SEC24B: variants seen among roughly 807,000 people sequenced by gnomAD.
The protein encoded by SEC24B is SEC24 homolog B, COPII component.
Under a neutral mutation model 142.8 loss-of-function variants are expected in SEC24B, and 45 were observed. The ratio of observed to expected loss-of-function variants is 0.32; its 90% CI spans 0.25 to 0.40. SEC24B has a LOEUF of 0.40. Ranked by LOEUF, SEC24B falls within the 10% of genes least tolerant of loss-of-function variation. SEC24B has a pLI of 1.00. For missense variants in SEC24B, 1,409 were observed against 1,526.8 expected (o/e 0.92, Z 1.29); for synonymous variants, 574 against 568.2 (o/e 1.01, Z -0.15).
At chr4:109,450,501 T>C (rs927383794) in intron 1 of SEC24B, among the ~76,000 whole-genome samples, 1 of 151,100 alleles carries the variant, frequency 6.6e-6, no homozygotes, top group African/African-American at 2.4e-5. Context: ...CTACTAAAAA[T>C]ACAAAAATTA....
chr4:109,463,673 A>G (rs913243352), intron 2 of SEC24B, 29 bp downstream of exon 2: 2 of 1,592,232 alleles, frequency 1.3e-6, no homozygotes, highest in African/African-American at 1.3e-5. Flanking sequence ...TCACCAAAAC[A>G]TGTTTGAAAA....
chr4:109,531,335 G>A, intron 19 of SEC24B, 50 bp from the exon 20 acceptor site: 1 of 1,484,498 alleles, frequency 6.7e-7, no homozygotes, highest in Non-Finnish European at 9.3e-7. Flanking sequence ...TTTAATATTT[G>A]TCCACCATAT....
chr4:109,530,558 TAA>T, intron 19 of SEC24B, 94 bp downstream of exon 19: 3 of 982,482 alleles, frequency 3.1e-6, no homozygotes, highest in Non-Finnish European at 4.5e-6. Flanking sequence ...TTCTAATACT[TAA>T]CTAGAGGATT....
chr4:109,438,359 G>A (rs1049015875), intron 1 of SEC24B, among the ~76,000 whole-genome samples: 2 of 152,104 alleles, frequency 1.3e-5, no homozygotes, highest in African/African-American at 4.8e-5. Flanking sequence ...TGTCACCCAA[G>A]CTGGAGTACA....
chr4:109,505,015 T>C (rs1736536207), intron 6 of SEC24B, among the ~76,000 whole-genome samples: 1 of 152,102 alleles, frequency 6.6e-6, no homozygotes, highest in South Asian at 2.1e-4. Flanking sequence ...GTTTAGCTTA[T>C]ATAAATAGAA....
Position 109,510,027 on chromosome 4 carries a change from G to T in SEC24B, c.1692G>T (p.Leu564Phe). Reference sequence around the variant, plus strand: ...TTTGCAGTTCATTTCGGTGTACTTTGACAAATATTCCACAGACACAGGCTT... The same window carrying T: ...TTTGCAGTTCATTTCGGTGTACTTTTACAAATATTCCACAGACACAGGCTT... Reference protein sequence around the residue: ...NCSPDSFRCTLTNIPQTQALL... With the variant: ...NCSPDSFRCTFTNIPQTQALL... Residue 564 changes from leucine (L) to phenylalanine (F), a missense_variant, in exon 8 of 24, where the codon TTG becomes TTT. Physicochemically the swap from Leu to Phe is conservative, Grantham distance 22. This residue lies in a region of SEC24B where 700 missense variants were observed against 853.3 expected (regional missense o/e 0.82). Transcript: ENST00000265175. The T allele has an allele frequency of 6.2e-7, 1 of 1,604,436 alleles. No homozygotes were observed.
In SEC24B at chr4:109,453,507, G is replaced by A. The variant is rs991279568; in HGVS notation, c.134-9394G>A. ...TTCCTTACTGGGGAAAGAATTCAGC[G>A]ATATTTCTCTTACCCGTGTTCGGTA... On this transcript the variant is annotated intron_variant, in intron 1 of 23. Transcript: ENST00000265175. 4.3e-4 allele frequency among the ~76,000 whole-genome samples: 55 copies of A among 127,492 alleles called. 1 individual carries two copies. Among genetic ancestry groups the A allele is most frequent in the Middle Eastern group, 6.8e-3 (1 of 146 alleles). The allele number at this position is 127,492 out of a possible 152,430, so 83.6% of individuals were successfully genotyped here.
At chr4:109,505,173 T>G (rs1736552733) in intron 6 of SEC24B, among the ~76,000 whole-genome samples, 1 of 151,918 alleles carries the variant, frequency 6.6e-6, no homozygotes, top group South Asian at 2.1e-4. Context: ...AATGTTATGT[T>G]TACTCAAAAA....
chr4:109,483,416 A>G (rs1245796784), intron 4 of SEC24B, among the ~76,000 whole-genome samples: 1 of 151,906 alleles, frequency 6.6e-6, no homozygotes, highest in Non-Finnish European at 1.5e-5. Flanking sequence ...CATGATACAG[A>G]GTTTTGCCTG....
chr4:109,458,586 T>C (rs1295779518), intron 1 of SEC24B, among the ~76,000 whole-genome samples: 1 of 152,188 alleles, frequency 6.6e-6, no homozygotes, highest in East Asian at 1.9e-4. Context: ...AAATGGCAGA[T>C]AGAAAATTGA....
intron 8 of SEC24B, among the ~76,000 whole-genome samples, chr4:109,510,718 A>G (rs1737225989): frequency 6.6e-6 from 1 of 152,226 alleles, no homozygotes; most frequent in Non-Finnish European, 1.5e-5. Flanking sequence ...TAAAGTTTTA[A>G]AAGTTTTAAA....
rs766551743 is a variant in SEC24B at position 109,513,824 on chromosome 4, A to G, written c.1981A>G (p.Thr661Ala). 2 of 1,611,834 alleles carry G rather than the reference A, an allele frequency of 1.2e-6. No homozygotes were observed. The change falls in exon 10 of 24, where the codon ACT becomes GCT. Residue 661 changes from threonine to alanine, a missense_variant. Around this residue, in one of 2 missense-constraint regions of SEC24B, gnomAD observed 700 missense variants for 853.3 expected, o/e 0.82. Transcript: ENST00000265175. ...TAAACGACCAGAAGTTCAGAATTCA[A>G]CTGTGGAGTTCATTGCTTCTTCAGA... ...PHKRPEVQNS[T>A]VEFIASSDYM...
chr4:109,524,760 G>A (rs1322722400), intron 14 of SEC24B, 58 bp from the exon 15 acceptor site: 13 of 1,509,466 alleles, frequency 8.6e-6, no homozygotes, highest in Non-Finnish European at 1.2e-5. Flanking sequence ...TTATAAAAAT[G>A]ACATGAAAAT....
At chr4:109,488,736 G>A (rs1734660210) in intron 4 of SEC24B, 1 of 167,394 alleles carries the variant, frequency 6.0e-6, no homozygotes, top group South Asian at 2.1e-4. Flanking sequence ...CACGTCTTTG[G>A]TAATAAGGTT....
At position 109,540,804 on chromosome 4, in the gene SEC24B, A is replaced by C. The variant is rs995292350; in HGVS notation, c.*1129A>C. The C allele has an allele frequency of 2.0e-5, 3 of 151,722 alleles. No homozygotes were observed. The highest frequency in any genetic ancestry group is 4.8e-5 in the African/African-American group (2 of 41,290). 9.4% of individuals were successfully genotyped at this position (151,722 alleles called of 1,614,324 possible). A position where few individuals can be genotyped will look rare whatever the true frequency, so the allele number is the denominator to read the frequency against. The stretch of plus-strand genomic sequence containing the variant: ...AGGCTGAAGCAGTAGAATCGCTTGA[A>C]CCTGGAGGCTGAGGTTGCAGTGAGC... On this transcript the variant is annotated 3_prime_UTR_variant, in exon 24 of 24. Coordinates refer to ENST00000265175, the MANE Select transcript of SEC24B (RefSeq NM_006323.5).
Position 109,494,620 on chromosome 4 carries a change from C to T in SEC24B, c.1252C>T (p.Leu418Phe), listed in dbSNP as rs1194543302. ...CATGTGTTTCCATTTTTTAGATATGCTTTCTTCATCAGCAAGCAGTCCTGC... is the reference window on the plus strand; with the variant it reads ...CATGTGTTTCCATTTTTTAGATATGTTTTCTTCATCAGCAAGCAGTCCTGC... ...ALEGGSYPDMLSSSASSPAPD... is the reference protein window; with the variant it reads ...ALEGGSYPDMFSSSASSPAPD... The change falls in exon 6 of 24, where the codon CTT becomes TTT. Residue 418 changes from leucine to phenylalanine, a missense_variant. Leu to Phe is a conservative substitution (Grantham distance 22). Transcript: ENST00000265175. 1.2e-6 allele frequency: 2 copies of T among 1,613,708 alleles called. No individual in the cohort carries two copies. The highest frequency in any genetic ancestry group is 1.7e-5 in the Admixed American group (1 of 59,996).
intron 1 of SEC24B, among the ~76,000 whole-genome samples, chr4:109,452,935 T>C (rs1730259205): frequency 6.6e-6 from 1 of 152,258 alleles, no homozygotes; most frequent in East Asian, 1.9e-4. Flanking sequence ...AATTCAACGT[T>C]ATTTCACGTA....
At chr4:109,459,874 A>C (rs1731083552) in intron 1 of SEC24B, among the ~76,000 whole-genome samples, 1 of 152,224 alleles carries the variant, frequency 6.6e-6, no homozygotes, top group African/African-American at 2.4e-5. Context: ...ACTAGTGTAG[A>C]GTTTTCTGAC....
chr4:109,513,658 A>G, intron 9 of SEC24B, 89 bp from the exon 10 acceptor site: 4 of 749,782 alleles, frequency 5.3e-6, no homozygotes, highest in South Asian at 4.7e-5. Flanking sequence ...TCGTGTAAAT[A>G]TTGATAATAG....
Sources: allele counts gnomAD v4.1 joint callset (sites outside exome capture counted in the v4.1 genomes callset), GRCh38; gene constraint gnomAD v4.1.1; regional missense constraint gnomAD v4.1.1; transcripts MANE v1.5; gene names NCBI Gene and HGNC (gene_info 2026-07-23, HGNC 2026-07-21).